TULP3: variants seen among roughly 807,000 people sequenced by gnomAD.
TULP3 encodes the protein TUB like protein 3.
Under a neutral mutation model 50.7 loss-of-function variants are expected in TULP3, and 38 were observed. The observed-to-expected ratio is 0.75, with a 90% confidence interval of 0.58 to 0.98. The LOEUF is 0.98. Among genes scored for constraint, TULP3 ranks in the 50% least tolerant of loss-of-function variants. TULP3 has a pLI of 0.00. For synonymous variants in TULP3, 183 were observed against 196.6 expected, an observed-to-expected ratio of 0.93 and a Z score of 0.58; for missense variants, 550 against 568.0, an observed-to-expected ratio of 0.97 and a Z score of 0.32.
At chr12:2,896,973 A>G (rs928226816) in intron 1 of TULP3, among the ~76,000 whole-genome samples, 3 of 152,244 alleles carry the variant, frequency 2.0e-5, no homozygotes, top group Non-Finnish European at 4.4e-5. Flanking sequence ...GCAGAGTGAC[A>G]ACACATTTTA....
intron 1 of TULP3, among the ~76,000 whole-genome samples, chr12:2,908,174 T>C (rs2098183469): frequency 6.6e-6 from 1 of 152,192 alleles, no homozygotes; most frequent in Admixed American, 6.5e-5. Flanking sequence ...CATACATAAA[T>C]GCTTTGGTAT....
At position 2,940,548 on chromosome 12, in the gene TULP3, GA is replaced by G; in HGVS notation, c.*1106del. ...TTCCCAGAATGTATCCAAACCTTGA[GA>G]ATGCAGGAGCTCTGTGAGCTCCACC... On this transcript the variant is annotated 3_prime_UTR_variant, in exon 11 of 11. Transcript: ENST00000448120. 6.4e-7 allele frequency: 1 copy of G among 1,550,564 alleles called. No homozygotes were observed. Among genetic ancestry groups the G allele is most frequent in the Non-Finnish European group, 8.7e-7 (1 of 1,146,370 alleles).
At chr12:2,906,415 G>A (rs1210160812) in intron 1 of TULP3, among the ~76,000 whole-genome samples, 1 of 150,610 alleles carries the variant, frequency 6.6e-6, no homozygotes, top group African/African-American at 2.4e-5. Context: ...TGAATCCTCC[G>A]CCTCCTGGGT....
At chr12:2,918,339 T>C (rs1227771616) in intron 2 of TULP3, among the ~76,000 whole-genome samples, 1 of 151,462 alleles carries the variant, frequency 6.6e-6, no homozygotes, top group Admixed American at 6.6e-5. Flanking sequence ...CTCAAACTCC[T>C]GACCTCAGGT....
chr12:2,891,128 C>G, intron 1 of TULP3, 140 bp downstream of exon 1: 1 of 971,686 alleles, frequency 1.0e-6, no homozygotes, highest in Non-Finnish European at 1.4e-6. Flanking sequence ...GTTTCGGCGG[C>G]GGGAGGCGAC....
intron 2 of TULP3, among the ~76,000 whole-genome samples, chr12:2,917,348 T>A (rs1331462079): frequency 6.6e-6 from 1 of 151,912 alleles, no homozygotes; most frequent in Non-Finnish European, 1.5e-5. Context: ...GGGGTGCACC[T>A]GTAATCCCCG....
chr12:2,900,383 G>T (rs2098178440), intron 1 of TULP3, among the ~76,000 whole-genome samples: 1 of 152,142 alleles, frequency 6.6e-6, no homozygotes, highest in African/African-American at 2.4e-5. Flanking sequence ...GCAGTAACCT[G>T]TATAAACATC....
At position 2,938,109 on chromosome 12, in the gene TULP3, G is replaced by A. The variant is rs376983189; in HGVS notation, c.1024-5G>A. The A allele has an allele frequency of 2.5e-6, 4 of 1,614,102 alleles. No homozygotes were observed. The highest frequency in any genetic ancestry group is 3.4e-6 in the Non-Finnish European group (4 of 1,180,036). The stretch of plus-strand genomic sequence containing the variant: ...GTACAAAGTAATGATTTTCCCTTTG[G>A]ACAGAACCATGACAGTTTGCTCTCA... On this transcript the variant is annotated splice_region_variant and splice_polypyrimidine_tract_variant and intron_variant, in intron 9 of 10. Transcript: ENST00000448120.
In TULP3 at chr12:2,932,433, A is replaced by G. The variant is rs149495600; in HGVS notation, c.697-985A>G. ...GCCTCTAGCAAAAAATTAAAAAATT[A>G]GCCAGGAGTGGTGGCATGCACCTGT... On this transcript the variant is annotated intron_variant, in intron 6 of 10. Coordinates refer to ENST00000448120, the MANE Select transcript of TULP3 (RefSeq NM_003324.5). 5.1e-3 allele frequency among the ~76,000 whole-genome samples: 779 copies of G among 152,144 alleles called. 5 individuals carry two copies. Among genetic ancestry groups the G allele is most frequent in the African/African-American group, 0.017 (722 of 41,528 alleles).
chr12:2,899,478 G>A (rs2098177601), intron 1 of TULP3, among the ~76,000 whole-genome samples: 1 of 152,028 alleles, frequency 6.6e-6, no homozygotes, highest in African/African-American at 2.4e-5. Context: ...ATTTTTTCCT[G>A]GAAGGTCATA....
intron 4 of TULP3, among the ~76,000 whole-genome samples, chr12:2,927,039 A>G (rs529473665): frequency 6.6e-6 from 1 of 151,528 alleles, no homozygotes; most frequent in East Asian, 1.9e-4. Flanking sequence ...TTTCCCTCCA[A>G]TCCCCTCAGC....
At chr12:2,915,796 A>C (rs1220003306) in intron 2 of TULP3, among the ~76,000 whole-genome samples, 1 of 151,708 alleles carries the variant, frequency 6.6e-6, no homozygotes, top group Non-Finnish European at 1.5e-5. Flanking sequence ...TGCCCGCCTC[A>C]GCCTCCCAAA....
intron 4 of TULP3, among the ~76,000 whole-genome samples, chr12:2,924,566 A>G (rs2098193617): frequency 6.6e-6 from 1 of 152,082 alleles, no homozygotes; most frequent in South Asian, 2.1e-4. Flanking sequence ...TGGTAGTCCC[A>G]GCTACTTGAG....
intron 3 of TULP3, among the ~76,000 whole-genome samples, chr12:2,921,729 C>T (rs1322231631): frequency 6.6e-6 from 1 of 152,040 alleles, no homozygotes; most frequent in Non-Finnish European, 1.5e-5. Context: ...TTCTGAAGTA[C>T]ATATTACTTC....
chr12:2,905,561 C>T (rs1293468805), intron 1 of TULP3, among the ~76,000 whole-genome samples: 2 of 152,080 alleles, frequency 1.3e-5, no homozygotes, highest in Non-Finnish European at 2.9e-5. Flanking sequence ...ACTTAGAACT[C>T]GGAGAAAGTG....
intron 2 of TULP3, among the ~76,000 whole-genome samples, chr12:2,913,350 C>A (rs904316007): frequency 6.6e-6 from 1 of 151,502 alleles, no homozygotes; most frequent in Non-Finnish European, 1.5e-5. Context: ...TGGGCTCAAG[C>A]GATCCTCCCA....
At position 2,940,710 on chromosome 12, in the gene TULP3, A is replaced by T. The variant is rs1194019811; in HGVS notation, c.*1266A>T. ...CCTCCGCCTGTTGTTCCTGCACCAC[A>T]TCAGATAAGCATGTGAAGGAGGGCC... On this transcript the variant is annotated 3_prime_UTR_variant, in exon 11 of 11. Transcript: ENST00000448120. 6.4e-7 allele frequency: 1 copy of T among 1,550,782 alleles called. No homozygotes were observed. The highest frequency in any genetic ancestry group is 8.7e-7 in the Non-Finnish European group (1 of 1,146,602).
chr12:2,940,984 G>T lies in TULP3; in HGVS notation c.*1540G>T. ...GCATGTGGGGAAGGACTTATGGTGG[G>T]CCAGGTGGACCTCATCCTGCTTCTT... On this transcript the variant is annotated 3_prime_UTR_variant, in exon 11 of 11. Transcript: ENST00000448120. The T allele has an allele frequency of 2.2e-6, 1 of 448,692 alleles. No homozygotes were observed. Among genetic ancestry groups the T allele is most frequent in the Non-Finnish European group, 4.0e-6 (1 of 253,122 alleles). 27.8% of individuals were successfully genotyped at this position (448,692 alleles called of 1,614,324 possible).
intron 1 of TULP3, among the ~76,000 whole-genome samples, chr12:2,904,821 C>T (rs1193131989): frequency 2.6e-5 from 4 of 151,992 alleles, no homozygotes; most frequent in Admixed American, 1.3e-4. Flanking sequence ...TAACACAGGC[C>T]GGGCATGGTG....
Sources: gnomAD v4.1 joint callset for allele counts (sites outside exome capture counted in the v4.1 genomes callset) on GRCh38, gnomAD v4.1.1 for gene constraint, MANE v1.5 for transcripts, NCBI Gene and HGNC (gene_info 2026-07-23, HGNC 2026-07-21) for gene names.